Variants in ABCC4 observed in about 807,000 individuals in gnomAD.
ABCC4 encodes ATP binding cassette subfamily C member 4 (PEL blood group).
In ABCC4, 102 loss-of-function variants were observed where a neutral mutation model predicts 168.5. The observed-to-expected ratio is 0.61, with a 90% CI of 0.52 to 0.71. The LOEUF is 0.71. Ranked by LOEUF, ABCC4 falls within the 30% of genes least tolerant of loss-of-function variation. ABCC4 has a pLI of 0.00. For missense variants in ABCC4, 1,402 were observed against 1,605.8 expected, an observed-to-expected ratio of 0.87 and a Z score of 2.17; for synonymous variants, 617 against 590.7, an observed-to-expected ratio of 1.04 and a Z score of -0.65.
At chr13:95,253,547 C>A (rs1046692700) in intron 1 of ABCC4, among the ~76,000 whole-genome samples, 119 of 152,086 alleles carry the variant, frequency 7.8e-4, no homozygotes, top group African/African-American at 2.7e-3. Context: ...GAGTTCGAGA[C>A]CAGCCTGGCC....
At chr13:95,192,643 C>A (rs932845416) in intron 9 of ABCC4, among the ~76,000 whole-genome samples, 4 of 152,152 alleles carry the variant, frequency 2.6e-5, no homozygotes, top group African/African-American at 9.7e-5. Flanking sequence ...TAGAGCTGGG[C>A]ACGGTGGCTC....
intron 4 of ABCC4, among the ~76,000 whole-genome samples, chr13:95,222,858 A>T (rs2039345183): frequency 6.6e-6 from 1 of 152,212 alleles, no homozygotes; most frequent in Non-Finnish European, 1.5e-5. Flanking sequence ...TGTTACAACT[A>T]GAGGGACGCT....
intron 1 of ABCC4, among the ~76,000 whole-genome samples, chr13:95,251,490 T>A (rs1465846872): frequency 1.3e-5 from 2 of 152,182 alleles, no homozygotes; most frequent in East Asian, 3.8e-4. Flanking sequence ...TAAAACCTTT[T>A]TCAATGGATT....
At chr13:95,085,813 C>G (rs1411256527) in intron 20 of ABCC4, among the ~76,000 whole-genome samples, 1 of 152,158 alleles carries the variant, frequency 6.6e-6, no homozygotes. Flanking sequence ...AACCTTAGTA[C>G]ATATGTATTT....
intron 1 of ABCC4, among the ~76,000 whole-genome samples, chr13:95,290,244 G>A (rs1480263090): frequency 6.6e-6 from 1 of 152,086 alleles, no homozygotes; most frequent in South Asian, 2.1e-4. Context: ...TGGCTGTCCA[G>A]GTGATCCAAT....
chr13:95,054,350 G>A (rs113819883), intron 26 of ABCC4, among the ~76,000 whole-genome samples: 5,495 of 152,112 alleles, frequency 0.036, 140 homozygotes, highest in Non-Finnish European at 0.051. Context: ...GATTTCAAGA[G>A]AGACTCTTGA....
chr13:95,088,138 T>A (rs1169369678), intron 20 of ABCC4, among the ~76,000 whole-genome samples: 2 of 152,182 alleles, frequency 1.3e-5, no homozygotes, highest in African/African-American at 4.8e-5. Context: ...ATTAGAGCAA[T>A]GTGGTGCACC....
At chr13:95,201,420 C>T (rs1055946708) in intron 8 of ABCC4, among the ~76,000 whole-genome samples, 7 of 152,182 alleles carry the variant, frequency 4.6e-5, no homozygotes, top group African/African-American at 1.7e-4. Context: ...TCATCACTTC[C>T]CACTAAAATA....
At chr13:95,269,159 T>C (rs565032805) in intron 1 of ABCC4, among the ~76,000 whole-genome samples, 14 of 152,336 alleles carry the variant, frequency 9.2e-5, no homozygotes, top group Admixed American at 9.1e-4. Flanking sequence ...TGAGTCATTC[T>C]AGCAGATTAT....
intron 11 of ABCC4, among the ~76,000 whole-genome samples, chr13:95,180,921 T>G (rs1386972024): frequency 6.6e-6 from 1 of 152,196 alleles, no homozygotes; most frequent in Non-Finnish European, 1.5e-5. Context: ...TGTTGTTGAC[T>G]TGGCAAACTA....
At chr13:95,080,377 ATTTG>A (rs2034052072) in intron 21 of ABCC4, among the ~76,000 whole-genome samples, 2 of 120,648 alleles carry the variant, frequency 1.7e-5, no homozygotes, top group Non-Finnish European at 3.6e-5. Context: ...TCAACTGCAG[ATTTG>A]TTTTTGTTTT....
chr13:95,171,872 T>C (rs910115072), intron 13 of ABCC4, among the ~76,000 whole-genome samples: 4 of 152,224 alleles, frequency 2.6e-5, no homozygotes, highest in African/African-American at 9.6e-5. Context: ...TTGTTCAATC[T>C]AGTATACCTC....
chr13:95,249,710 G>A (rs1441333779), intron 1 of ABCC4, among the ~76,000 whole-genome samples: 1 of 152,084 alleles, frequency 6.6e-6, no homozygotes. Context: ...CTCCCTTCCA[G>A]CAGAACCTCA....
chr13:95,021,384 C>T lies in ABCC4; in HGVS notation c.*191G>A. The T allele has an allele frequency of 1.9e-6, 1 of 525,952 alleles. No individual in the cohort carries two copies. The highest frequency in any genetic ancestry group is 3.3e-6 in the Non-Finnish European group (1 of 298,626). 32.6% of individuals were successfully genotyped at this position (525,952 alleles called of 1,614,324 possible). ...TTGGATTTTAAAAAACAACTATTGACATTTAAATAAAAATAAACCATTTTG... is the reference window on the plus strand; with the variant it reads ...TTGGATTTTAAAAAACAACTATTGATATTTAAATAAAAATAAACCATTTTG... On this transcript the variant is annotated 3_prime_UTR_variant, in exon 31 of 31. Coordinates refer to ENST00000645237, the MANE Select transcript of ABCC4 (RefSeq NM_005845.5).
At chr13:95,059,066 G>A (rs989551796) in intron 26 of ABCC4, among the ~76,000 whole-genome samples, 10 of 152,346 alleles carry the variant, frequency 6.6e-5, no homozygotes, top group East Asian at 5.8e-4. Flanking sequence ...GTTTCTGTGC[G>A]TGTGTGCGCA....
chr13:95,230,811 C>A (rs2039598478), intron 4 of ABCC4, among the ~76,000 whole-genome samples: 2 of 151,992 alleles, frequency 1.3e-5, no homozygotes, highest in Admixed American at 6.6e-5. Flanking sequence ...TGCAAGGACT[C>A]AAAGAGATAA....
At chr13:95,270,267 G>A (rs1236587264) in intron 1 of ABCC4, among the ~76,000 whole-genome samples, 1 of 142,728 alleles carries the variant, frequency 7.0e-6, no homozygotes, top group African/African-American at 2.6e-5. Flanking sequence ...GGAAGGGGAA[G>A]AGAAAAAATG....
chr13:95,245,341 A>C (rs955435669), intron 3 of ABCC4, among the ~76,000 whole-genome samples: 4 of 152,262 alleles, frequency 2.6e-5, no homozygotes, highest in African/African-American at 9.6e-5. Flanking sequence ...GACACCTGGC[A>C]TGAGCCTTAG....
chr13:95,054,860 C>G (rs1447868074), intron 26 of ABCC4, among the ~76,000 whole-genome samples: 1 of 152,024 alleles, frequency 6.6e-6, no homozygotes, highest in Non-Finnish European at 1.5e-5. Context: ...AAAATGATAT[C>G]CAGGGAGGCT....
Sources: allele counts gnomAD v4.1 joint callset (sites outside exome capture counted in the v4.1 genomes callset), GRCh38; gene constraint gnomAD v4.1.1; transcripts MANE v1.5; gene names NCBI Gene and HGNC (gene_info 2026-07-23, HGNC 2026-07-21).